The following ZSCAN20 variants were observed in gnomAD, a reference collection of about 807,000 sequenced individuals.
ZSCAN20 encodes zinc finger and SCAN domain-containing protein 20.
A neutral mutation model predicts 97.1 loss-of-function variants in ZSCAN20; 39 were observed. The observed-to-expected ratio is 0.40, with a 90% CI of 0.31 to 0.52. The LOEUF (loss-of-function observed/expected upper bound fraction) is 0.52. Among genes scored for constraint, ZSCAN20 ranks in the 20% least tolerant of loss-of-function variants. The probability of loss-of-function intolerance (pLI) is 0.49; values close to 1 mark genes in which losing one functional copy is unlikely to be tolerated. For synonymous variants in ZSCAN20, 456 were observed against 467.3 expected, an observed-to-expected ratio of 0.98 and a Z score of 0.31; for missense variants, 1,115 against 1,290.4, an observed-to-expected ratio of 0.86 and a Z score of 2.08.
intron 2 of ZSCAN20, among the ~76,000 whole-genome samples, chr1:33,488,193 A>G (rs1008479258): frequency 2.6e-5 from 4 of 152,132 alleles, no homozygotes; most frequent in African/African-American, 9.7e-5. Flanking sequence ...CAAATTTTAC[A>G]TAATTTATCT....
intron 5 of ZSCAN20, among the ~76,000 whole-genome samples, chr1:33,490,094 C>G (rs1385559526): frequency 6.6e-6 from 1 of 152,176 alleles, no homozygotes; most frequent in African/African-American, 2.4e-5. Context: ...AGCCGTTTCC[C>G]TGTGGAGCCC....
Position 33,500,391 on chromosome 1 carries a change from T to G in ZSCAN20, c.*4915T>G, listed in dbSNP as rs1653024546. ...TGCTTGGAGGAAGAGACAGAGAGTT[T>G]GAGAGGTCCCAGTTCTTTTCAGTGT... On this transcript the variant is annotated 3_prime_UTR_variant, in exon 8 of 8. Coordinates refer to ENST00000684572, the MANE Select transcript of ZSCAN20 (RefSeq NM_001377376.1). Among the ~76,000 whole-genome samples the G allele has an allele frequency of 2.2e-5, 2 of 89,282 alleles. No individual in the cohort carries two copies. The highest frequency in any genetic ancestry group is 2.4e-5 in the Non-Finnish European group (1 of 42,508). 58.6% of individuals were successfully genotyped at this position (89,282 alleles called of 152,430 possible). A position where few individuals can be genotyped will look rare whatever the true frequency, so the allele number is the denominator to read the frequency against.
chr1:33,477,118 G>A (rs1651967258), intron 1 of ZSCAN20, among the ~76,000 whole-genome samples: 1 of 152,136 alleles, frequency 6.6e-6, no homozygotes, highest in Non-Finnish European at 1.5e-5. Flanking sequence ...TATAGGATCA[G>A]GGAGGCAATT....
intron 2 of ZSCAN20, among the ~76,000 whole-genome samples, chr1:33,483,989 A>G (rs1299389012): frequency 6.6e-6 from 1 of 152,158 alleles, no homozygotes; most frequent in African/African-American, 2.4e-5. Context: ...CTTTAATTTC[A>G]AATTCTACTT....
intron 1 of ZSCAN20, among the ~76,000 whole-genome samples, chr1:33,476,324 G>C (rs1651938669): frequency 6.6e-6 from 1 of 152,148 alleles, no homozygotes; most frequent in Admixed American, 6.5e-5. Flanking sequence ...TTACGGTTAT[G>C]GTTCCTTAGA....
Position 33,496,881 on chromosome 1 carries a change from G to A in ZSCAN20, c.*1405G>A, listed in dbSNP as rs1652881255. 6.6e-6 allele frequency among the ~76,000 whole-genome samples: 1 copy of A among 152,192 alleles called. No homozygotes were observed. The highest frequency in any genetic ancestry group is 1.5e-5 in the Non-Finnish European group (1 of 68,028). On this transcript the variant is annotated 3_prime_UTR_variant, in exon 8 of 8. Transcript: ENST00000684572. ...ACCCTTAAGACTCACCTCCCACATG[G>A]ACAGGCTAAGTTAGAAAGGTTCACA...
chr1:33,485,012 G>T (rs1051751934), intron 2 of ZSCAN20, among the ~76,000 whole-genome samples: 2 of 152,142 alleles, frequency 1.3e-5, no homozygotes, highest in Non-Finnish European at 2.9e-5. Context: ...GTAAATGCTG[G>T]CTTTATAGAC....
intron 2 of ZSCAN20, among the ~76,000 whole-genome samples, chr1:33,488,258 C>G (rs371872068): frequency 6.6e-6 from 1 of 152,130 alleles, no homozygotes; most frequent in Non-Finnish European, 1.5e-5. Context: ...ACACTTGGAT[C>G]GCCACCCTGT....
chr1:33,474,914 C>A lies in ZSCAN20; in HGVS notation c.-111+2223C>A, dbSNP rs541048410. 2.7e-4 allele frequency among the ~76,000 whole-genome samples: 41 copies of A among 152,316 alleles called. No homozygotes were observed. The East Asian group carries it at 7.3e-3, about 27-fold the overall frequency. ...AGCCACTGACTCTAGTCTCCCTTCTCCCTTGCTCTACCCCATCATACTAAT... is the reference window on the plus strand; with the variant it reads ...AGCCACTGACTCTAGTCTCCCTTCTACCTTGCTCTACCCCATCATACTAAT... On this transcript the variant is annotated intron_variant, in intron 1 of 7. Coordinates refer to ENST00000684572, the MANE Select transcript of ZSCAN20 (RefSeq NM_001377376.1).
intron 1 of ZSCAN20, among the ~76,000 whole-genome samples, 195 bp downstream of exon 1, chr1:33,472,886 G>T (rs1160561516): frequency 6.6e-5 from 10 of 151,906 alleles, no homozygotes; most frequent in Admixed American, 6.6e-4. Flanking sequence ...CGGGGATGAG[G>T]AGGCGATAGA....
chr1:33,478,588 G>C (rs1275585741), intron 1 of ZSCAN20, among the ~76,000 whole-genome samples: 3 of 152,238 alleles, frequency 2.0e-5, no homozygotes, highest in South Asian at 4.2e-4. Context: ...GGAGTTTTAG[G>C]AGTCATGTAT....
rs1652689032 is a variant in ZSCAN20 at position 33,493,090 on chromosome 1, A to G, written c.1445-97A>G. The G allele has an allele frequency of 4.8e-6, 6 of 1,253,244 alleles. No individual in the cohort carries two copies. Among genetic ancestry groups the G allele is most frequent in the Middle Eastern group, 2.1e-4 (1 of 4,748 alleles). 77.6% of individuals were successfully genotyped at this position (1,253,244 alleles called of 1,614,324 possible). A position where few individuals can be genotyped will look rare whatever the true frequency, so the allele number is the denominator to read the frequency against. On this transcript the variant is annotated intron_variant, in intron 6 of 7. Transcript: ENST00000684572. This position sits in a 1 kb window ranked among gnomAD's most constrained non-coding sequence, Gnocchi z 4.3. ...TACCTGGATAGTTTCTGACATGCCT[A>G]TGTTCTAGGTATTTTGAAGGGCAGG...
chr1:33,480,829 A>T lies in ZSCAN20; in HGVS notation c.417+1124A>T, dbSNP rs370645878. On this transcript the variant is annotated intron_variant, in intron 2 of 7. Transcript: ENST00000684572. ...AATTTTGCTATGACACACATTTTGAATCCTGCTTCAAAGCTGGTATATGTA... is the reference window on the plus strand; with the variant it reads ...AATTTTGCTATGACACACATTTTGATTCCTGCTTCAAAGCTGGTATATGTA... Among the ~76,000 whole-genome samples the T allele has an allele frequency of 2.6e-5, 4 of 152,212 alleles. No individual in the cohort carries two copies. In the South Asian group the frequency reaches 6.2e-4, roughly 24 times the overall value.
At chr1:33,482,613 G>A (rs1652197460) in intron 2 of ZSCAN20, among the ~76,000 whole-genome samples, 1 of 152,194 alleles carries the variant, frequency 6.6e-6, no homozygotes, top group African/African-American at 2.4e-5. Context: ...TGGATCATAT[G>A]GTAAGAGTAT....
rs371063496 is a variant in ZSCAN20 at position 33,495,346 on chromosome 1, G to A, written c.3002G>A (p.Ser1001Asn). ...GGGAAATGCTTTAACCAGAGCTCCA[G>A]TCTTATTATTCACCAGAGAATCCAC... ...ECGKCFNQSS[S>N]LIIHQRIHTG... The change falls in exon 8 of 8, where the codon AGT (serine) becomes AAT (asparagine). Residue 1001 changes from serine (S) to asparagine (N), a missense_variant. Ser to Asn is a conservative substitution (Grantham distance 46). Transcript: ENST00000684572. 2 of 1,612,206 alleles carry A rather than the reference G, an allele frequency of 1.2e-6. No homozygotes were observed. Among genetic ancestry groups the A allele is most frequent in the South Asian group, 2.2e-5 (2 of 90,750 alleles).
chr1:33,474,456 G>A (rs1040982298), intron 1 of ZSCAN20, among the ~76,000 whole-genome samples: 1 of 152,104 alleles, frequency 6.6e-6, no homozygotes, highest in Non-Finnish European at 1.5e-5. Flanking sequence ...TCATGACCAC[G>A]TTCATACTTA....
In ZSCAN20 at chr1:33,494,486, A is replaced by G. The variant is rs753943196; in HGVS notation, c.2142A>G (p.Thr714=). The change falls in exon 8 of 8, where the codon ACA becomes ACG. Residue 714 remains threonine, a synonymous_variant. Transcript: ENST00000684572. ...YLAEKPYKCD[T]CMKSFSRSSH... Reference sequence around the variant, plus strand: ...CAGAGAAACCCTACAAGTGTGACACATGCATGAAGAGCTTCAGTCGGAGCT... The same window carrying G: ...CAGAGAAACCCTACAAGTGTGACACGTGCATGAAGAGCTTCAGTCGGAGCT... 1 of 1,614,256 alleles carries G rather than the reference A, an allele frequency of 6.2e-7. No individual in the cohort carries two copies. The highest frequency in any genetic ancestry group is 8.5e-7 in the Non-Finnish European group (1 of 1,180,030).
Position 33,493,354 on chromosome 1 carries a change from T to C in ZSCAN20, c.1612T>C (p.Tyr538His). ...CCTGCGGACACTGGAGCAGTGTCGC[T>C]ACAGATTCAAAAACCTCCTTCGAAG... Reference protein sequence around the residue: ...GFLRTLEQCRYRFKNLLRSYR... With the variant: ...GFLRTLEQCRHRFKNLLRSYR... Residue 538 changes from tyrosine (Y) to histidine (H), a missense_variant, in exon 7 of 8, where the codon TAC becomes CAC. Tyr to His is a moderately conservative substitution (Grantham distance 83, BLOSUM62 2). Transcript: ENST00000684572. This position sits in a 1 kb window ranked among gnomAD's most constrained non-coding sequence, Gnocchi z 4.3. The C allele has an allele frequency of 6.2e-7, 1 of 1,614,150 alleles. No homozygotes were observed. Among genetic ancestry groups the C allele is most frequent in the South Asian group, 1.1e-5 (1 of 91,078 alleles).
In ZSCAN20 at chr1:33,494,327, T is replaced by G; in HGVS notation, c.1983T>G (p.Leu661=). 6.2e-7 allele frequency: 1 copy of G among 1,614,176 alleles called. No homozygotes were observed. The highest frequency in any genetic ancestry group is 1.3e-5 in the African/African-American group (1 of 75,030). The change falls in exon 8 of 8, where the codon CTT becomes CTG. Residue 661 remains leucine, a synonymous_variant. Transcript: ENST00000684572. ...KCPTEAVCQP[L]DWGEDSENEN... ...CTACAGAAGCTGTTTGCCAACCTCT[T>G]GACTGGGGAGAAGACAGTGAAAATG...
Sources: allele counts gnomAD v4.1 joint callset (sites outside exome capture counted in the v4.1 genomes callset), GRCh38; gene constraint gnomAD v4.1.1; non-coding constraint Gnocchi (gnomAD v3.1); transcripts MANE v1.5; gene names NCBI Gene and HGNC (gene_info 2026-07-23, HGNC 2026-07-21).